The following SRRT variants were observed in gnomAD, a reference collection of about 807,000 sequenced individuals.
The protein encoded by SRRT is serrate RNA effector molecule homolog.
SRRT carries 32 observed loss-of-function variants against 103.2 expected under a neutral mutation model. That is an observed-to-expected ratio of 0.31 (90% CI 0.23 to 0.42). The LOEUF is 0.42. SRRT is among the 10% of genes least tolerant of loss of function. The probability of loss-of-function intolerance (pLI) is 1.00; values close to 1 mark genes in which losing one functional copy is unlikely to be tolerated. For missense variants in SRRT, 986 were observed against 1,207.5 expected, an observed-to-expected ratio of 0.82 and a Z score of 2.72; for synonymous variants, 525 against 449.0, an observed-to-expected ratio of 1.17 and a Z score of -2.14.
chr7:100,888,487 G>T lies in SRRT; in HGVS notation c.2569G>T (p.Asp857Tyr), dbSNP rs779135120. 6.2e-7 allele frequency: 1 copy of T among 1,614,166 alleles called. No homozygotes were observed. The highest frequency in any genetic ancestry group is 8.5e-7 in the Non-Finnish European group (1 of 1,180,028). The change falls in exon 20 of 20, where the codon GAC becomes TAC. Residue 857 changes from aspartate (D) to tyrosine (Y), a missense_variant. Physicochemically the swap from Asp to Tyr is radical, Grantham distance 160. This residue lies in a region of SRRT where 178 missense variants were observed against 189.6 expected (regional missense o/e 0.94). Coordinates refer to ENST00000611405, the MANE Select transcript of SRRT (RefSeq NM_015908.6). ...GKPRNRMVRG[D>Y]PRAIVEYRDL... is the part of the protein sequence containing the mutation. Reference sequence around the variant, plus strand: ...CTCACCTCACAGGATGGTTCGTGGAGACCCAAGGGCCATTGTGGAATATCG... The same window carrying T: ...CTCACCTCACAGGATGGTTCGTGGATACCCAAGGGCCATTGTGGAATATCG...
Position 100,885,001 on chromosome 7 carries a change from T to G in SRRT, c.1120T>G (p.Ser374Ala). Residue 374 changes from serine (S) to alanine (A), a missense_variant, in exon 9 of 20, where the codon TCA (serine) becomes GCA (alanine). Physicochemically the swap from Ser to Ala is moderately conservative, Grantham distance 99 (BLOSUM62 1). Around this residue, in one of 6 missense-constraint regions of SRRT, gnomAD observed 166 missense variants for 148.6 expected, o/e 1.12. Coordinates refer to ENST00000611405, the MANE Select transcript of SRRT (RefSeq NM_015908.6). This position sits in a 1 kb window ranked among gnomAD's most constrained non-coding sequence, Gnocchi z 4.8. ...EGSVSESESESESGQAEEEKE... is the reference protein window; with the variant it reads ...EGSVSESESEAESGQAEEEKE... ...CAGCGTGTCAGAGTCTGAGTCGGAG[T>G]CAGAGAGCGGCCAGGCTGAGGAGGA... The G allele has an allele frequency of 1.2e-6, 2 of 1,613,420 alleles. No individual in the cohort carries two copies. Among genetic ancestry groups the G allele is most frequent in the South Asian group, 2.2e-5 (2 of 91,052 alleles).
At chr7:100,881,059 G>A (rs897175903) in intron 2 of SRRT, among the ~76,000 whole-genome samples, 1 of 148,698 alleles carries the variant, frequency 6.7e-6, no homozygotes, top group Non-Finnish European at 1.5e-5. Context: ...GTTTAGGAAT[G>A]TGGCTGTGGC....
chr7:100,887,774 C>G lies in SRRT; in HGVS notation c.2241C>G (p.Val747=). 1.2e-6 allele frequency: 2 copies of G among 1,613,626 alleles called. No individual in the cohort carries two copies. Residue 747 remains valine (V), a synonymous_variant, in exon 17 of 20, where the codon GTC becomes GTG. Coordinates refer to ENST00000611405, the MANE Select transcript of SRRT (RefSeq NM_015908.6). This position sits in a 1 kb window ranked among gnomAD's most constrained non-coding sequence, Gnocchi z 4.1. ...AEKIEEVKKE[V]AFFNNFLTDA... ...AAATTGAGGAAGTGAAAAAGGAAGT[C>G]GCGTTTTTTAACAACTTCCTCACTG...
intron 2 of SRRT, among the ~76,000 whole-genome samples, chr7:100,876,489 C>T (rs910725132): frequency 5.3e-5 from 8 of 152,028 alleles, no homozygotes; most frequent in Non-Finnish European, 7.4e-5. Context: ...TGCTCTGTTG[C>T]CCAGGTTGTA....
rs756147903 is a variant in SRRT, at chr7:100,875,474, G to T, written c.-18-99G>T. The T allele has an allele frequency of 2.9e-5, 46 of 1,565,400 alleles. 2 individuals are homozygous for T. The South Asian group carries it at 4.2e-4, about 14-fold the overall frequency. Reference sequence around the variant, plus strand: ...GGATGGTGGGGGCCGCGGAGGGCTGGCCTTGGCGGGAGGGAAGCGGGCGAG... The same window carrying T: ...GGATGGTGGGGGCCGCGGAGGGCTGTCCTTGGCGGGAGGGAAGCGGGCGAG... On this transcript the variant is annotated intron_variant, in intron 1 of 19. Transcript: ENST00000611405.
rs200869352 is a variant in SRRT at position 100,884,056 on chromosome 7, C to T, written c.588-14C>T. On this transcript the variant is annotated splice_polypyrimidine_tract_variant and intron_variant, in intron 5 of 19. Coordinates refer to ENST00000611405, the MANE Select transcript of SRRT (RefSeq NM_015908.6). ...ATAACTGTTTTGTCTTTCCCTCCCC[C>T]GCTTCGTTCCCAGGTTTCGGTCTAA... 2.3e-3 allele frequency: 3,625 copies of T among 1,566,736 alleles called. 7 individuals carry two copies. The highest frequency in any genetic ancestry group is 2.5e-3 in the Non-Finnish European group (2,913 of 1,161,100).
intron 8 of SRRT, 40 bp from the exon 9 acceptor site, chr7:100,884,883 C>T: frequency 1.2e-6 from 2 of 1,613,770 alleles, no homozygotes; most frequent in Non-Finnish European, 1.7e-6. Context: ...GGCTGGGGTT[C>T]TGGCACGCTG....
chr7:100,885,672 CTG>C lies in SRRT; in HGVS notation c.1318-26_1318-25del. The C allele has an allele frequency of 6.3e-7, 1 of 1,590,260 alleles. No homozygotes were observed. The highest frequency in any genetic ancestry group is 8.6e-7 in the Non-Finnish European group (1 of 1,167,006). ...AAGAAGCGAATGAATCCTTGAGTCACTGTGGGGCTGCTTTTCTGCTTCTTGCA... is the reference window on the plus strand; with the variant it reads ...AAGAAGCGAATGAATCCTTGAGTCACTGGGGCTGCTTTTCTGCTTCTTGCA... On this transcript the variant is annotated intron_variant, in intron 10 of 19. Transcript: ENST00000611405. This position sits in a 1 kb window ranked among gnomAD's most constrained non-coding sequence, Gnocchi z 4.8.
chr7:100,882,043 TC>T lies in SRRT; in HGVS notation c.399-6del. On this transcript the variant is annotated splice_polypyrimidine_tract_variant and intron_variant, in intron 4 of 19. Transcript: ENST00000611405. This position sits in a 1 kb window ranked among gnomAD's most constrained non-coding sequence, Gnocchi z 4.2. Reference sequence around the variant, plus strand: ...AAAAACCAAGCCTTCCTGACCGGGGTCCCCTCCAGGCTGGGCAGCATTGCAG... The same window carrying T: ...AAAAACCAAGCCTTCCTGACCGGGGTCCCTCCAGGCTGGGCAGCATTGCAG... 6.2e-7 allele frequency: 1 copy of T among 1,607,582 alleles called. No individual in the cohort carries two copies.
chr7:100,886,799 T>C lies in SRRT; in HGVS notation c.1652T>C (p.Leu551Pro), dbSNP rs1290568161. 1.9e-6 allele frequency: 3 copies of C among 1,614,030 alleles called. No homozygotes were observed. The highest frequency in any genetic ancestry group is 2.5e-6 in the Non-Finnish European group (3 of 1,180,012). Residue 551 changes from leucine to proline, a missense_variant, in exon 14 of 20, where the codon CTG (leucine) becomes CCG (proline). Leu to Pro is a moderately conservative substitution (Grantham distance 98, BLOSUM62 -3). Around this residue, in one of 6 missense-constraint regions of SRRT, gnomAD observed 349 missense variants for 446.9 expected, o/e 0.78. Coordinates refer to ENST00000611405, the MANE Select transcript of SRRT (RefSeq NM_015908.6). The stretch of plus-strand genomic sequence containing the variant: ...TGCTTCTCTTCCTCCCATCAGAGCC[T>C]GCCCTCGCAAAACCCGATCTTGAAG... ...EPGTPPLPTS[L>P]PSQNPILKNI...
intron 4 of SRRT, 122 bp from the exon 5 acceptor site, chr7:100,881,931 A>G (rs1789616499): frequency 1.4e-6 from 2 of 1,473,164 alleles, no homozygotes; most frequent in Admixed American, 2.1e-5. Context: ...TAGGGGTGGT[A>G]GCTGTTGGGG....
intron 2 of SRRT, among the ~76,000 whole-genome samples, chr7:100,878,204 C>G (rs572715170): frequency 6.6e-6 from 1 of 152,058 alleles, no homozygotes; most frequent in Admixed American, 6.6e-5. Flanking sequence ...CCCGGCAACT[C>G]CGGAGGCTGA....
intron 2 of SRRT, 148 bp downstream of exon 2, chr7:100,875,860 T>C (rs1815634835): frequency 1.0e-6 from 1 of 984,436 alleles, no homozygotes; most frequent in Admixed American, 2.4e-5. Flanking sequence ...GCCTATTTGC[T>C]GTTGGCCAAA....
chr7:100,888,616 A>C lies in SRRT; in HGVS notation c.*67A>C, dbSNP rs1431195472. ...CTACCTTGTCCTATGAAGCTCTGAGAATTTTTTGTACGATCAGCCTTACTG... is the reference window on the plus strand; with the variant it reads ...CTACCTTGTCCTATGAAGCTCTGAGCATTTTTTGTACGATCAGCCTTACTG... On this transcript the variant is annotated 3_prime_UTR_variant, in exon 20 of 20. Coordinates refer to ENST00000611405, the MANE Select transcript of SRRT (RefSeq NM_015908.6). 1.9e-6 allele frequency: 3 copies of C among 1,600,598 alleles called. No individual in the cohort carries two copies. The East Asian group carries it at 6.7e-5, about 36-fold the overall frequency.
In SRRT at chr7:100,886,451, A is replaced by G. The variant is rs373659082; in HGVS notation, c.1647+16A>G. On this transcript the variant is annotated intron_variant, in intron 13 of 19. Transcript: ENST00000611405. Reference sequence around the variant, plus strand: ...CCTGCCCACGGTCAGTGACTCCCCAAAGGACTTTGTCAGAAGCAACTGGTA... The same window carrying G: ...CCTGCCCACGGTCAGTGACTCCCCAGAGGACTTTGTCAGAAGCAACTGGTA... 7.5e-6 allele frequency: 12 copies of G among 1,601,512 alleles called. No individual in the cohort carries two copies. The highest frequency in any genetic ancestry group is 5.6e-5 in the South Asian group (5 of 89,786).
chr7:100,877,804 G>A (rs895331930), intron 2 of SRRT, among the ~76,000 whole-genome samples: 2 of 152,116 alleles, frequency 1.3e-5, no homozygotes, highest in Non-Finnish European at 2.9e-5. Context: ...ACAGGCCCGC[G>A]TTAGTTGTCT....
intron 2 of SRRT, among the ~76,000 whole-genome samples, chr7:100,879,727 G>A (rs1816101679): frequency 6.6e-6 from 1 of 151,678 alleles, no homozygotes; most frequent in Non-Finnish European, 1.5e-5. Context: ...AGAATTGCTT[G>A]AGCCCAGGAG....
At chr7:100,875,907 G>A in intron 2 of SRRT, 195 bp downstream of exon 2, 1 of 595,836 alleles carries the variant, frequency 1.7e-6, no homozygotes. Context: ...ATTCTCTGCA[G>A]ATCAGAGCTA....
intron 2 of SRRT, among the ~76,000 whole-genome samples, chr7:100,876,591 G>A (rs551535006): frequency 2.6e-5 from 4 of 152,188 alleles, no homozygotes; most frequent in Non-Finnish European, 4.4e-5. Context: ...GACAATATAT[G>A]ATTAGGTTTC....
Sources: allele counts gnomAD v4.1 joint callset (sites outside exome capture counted in the v4.1 genomes callset), GRCh38; gene constraint gnomAD v4.1.1; regional missense constraint gnomAD v4.1.1; non-coding constraint Gnocchi (gnomAD v3.1); transcripts MANE v1.5; gene names NCBI Gene and HGNC (gene_info 2026-07-23, HGNC 2026-07-21).